The following ENDOD1 variants were observed in gnomAD, a reference collection of about 807,000 sequenced individuals.
The protein encoded by ENDOD1 is endonuclease domain containing 1.
Under a neutral mutation model 6.5 loss-of-function variants are expected in ENDOD1, and 9 were observed. That is an observed-to-expected ratio of 1.39 (90% CI 0.84 to 2.43). The LOEUF (loss-of-function observed/expected upper bound fraction) is 2.43, where lower values mean the gene tolerates loss of function less well. ENDOD1 is among the 30% of genes most tolerant of loss of function. The pLI is 0.00. For synonymous variants in ENDOD1, 255 were observed against 255.2 expected (o/e 1.00, Z 0.01); for missense variants, 648 against 635.5 (o/e 1.02, Z -0.21).
intron 1 of ENDOD1, among the ~76,000 whole-genome samples, chr11:95,108,748 C>A (rs1859118864): frequency 6.6e-6 from 1 of 152,158 alleles, no homozygotes; most frequent in South Asian, 2.1e-4. Context: ...CATCCTCCCC[C>A]TCCATTGTTG....
intron 1 of ENDOD1, among the ~76,000 whole-genome samples, chr11:95,102,043 C>T (rs144594443): frequency 1.7e-3 from 252 of 152,146 alleles, no homozygotes; most frequent in African/African-American, 5.7e-3. Flanking sequence ...CTTCTCCTTC[C>T]CTGTTCCTGC....
intron 1 of ENDOD1, among the ~76,000 whole-genome samples, chr11:95,123,718 G>T (rs1488327744): frequency 1.3e-5 from 2 of 152,108 alleles, no homozygotes; most frequent in African/African-American, 4.8e-5. Context: ...GAAAACATCT[G>T]GTCAACTGAG....
chr11:95,098,696 GTT>G (rs797035485), intron 1 of ENDOD1, among the ~76,000 whole-genome samples: 19 of 147,988 alleles, frequency 1.3e-4, no homozygotes, highest in Non-Finnish European at 1.8e-4. Flanking sequence ...CTTTTCTAGT[GTT>G]TTTTTTTTCA....
intron 1 of ENDOD1, among the ~76,000 whole-genome samples, chr11:95,114,484 G>T (rs143325322): frequency 1.6e-4 from 25 of 152,204 alleles, no homozygotes; most frequent in African/African-American, 5.8e-4. Flanking sequence ...TTCTTTTCCT[G>T]TGTAGAAGCT....
chr11:95,129,154 T>C lies in ENDOD1; in HGVS notation c.1078T>C (p.Phe360Leu), dbSNP rs200559465. The C allele has an allele frequency of 9.2e-5, 149 of 1,614,184 alleles. No homozygotes were observed. In the African/African-American group the frequency reaches 1.6e-3, roughly 17 times the overall value. ...AGCAATCCTGAAGAACATTGTCTAT[T>C]TCCTGTGGTGTGTTACCAAGCAGGT... Reference protein sequence around the residue: ...VVAILKNIVYFLWCVTKQVIN... With the variant: ...VVAILKNIVYLLWCVTKQVIN... Residue 360 changes from phenylalanine (F) to leucine (L), a missense_variant, in exon 2 of 2, where the codon TTC becomes CTC. Coordinates refer to ENST00000278505, the MANE Select transcript of ENDOD1 (RefSeq NM_015036.3).
In ENDOD1 at chr11:95,128,834, A is replaced by T; in HGVS notation, c.758A>T (p.Asp253Val). ...ATCATAGAAGATGTGATGGTAAAAG[A>T]TCTTCAGAAACTGCTTCCATTTAAC... ...SDIIEDVMVK[D>V]LQKLLPFNPQ... Residue 253 changes from aspartate to valine, a missense_variant, in exon 2 of 2, where the codon GAT (aspartate) becomes GTT (valine). Transcript: ENST00000278505. The T allele has an allele frequency of 6.2e-7, 1 of 1,614,226 alleles. No individual in the cohort carries two copies. Among genetic ancestry groups the T allele is most frequent in the Non-Finnish European group, 8.5e-7 (1 of 1,180,040 alleles).
chr11:95,106,743 C>T (rs1165620325), intron 1 of ENDOD1, among the ~76,000 whole-genome samples: 3 of 152,008 alleles, frequency 2.0e-5, no homozygotes, highest in African/African-American at 7.2e-5. Flanking sequence ...CTCAATATCA[C>T]GGGAATAAAT....
chr11:95,106,123 G>T (rs150271635), intron 1 of ENDOD1, among the ~76,000 whole-genome samples: 16 of 152,300 alleles, frequency 1.1e-4, no homozygotes, highest in African/African-American at 3.9e-4. Context: ...ATTCCTACAA[G>T]TCAGCCTCCC....
rs10660230 is a variant in ENDOD1, at chr11:95,096,227, C to CTTTTTTTTTT, written c.300+6016_300+6025dup. 8.0e-4 allele frequency among the ~76,000 whole-genome samples: 40 copies of CTTTTTTTTTT among 49,962 alleles called. 10 individuals carry two copies. Among genetic ancestry groups the CTTTTTTTTTT allele is most frequent in the African/African-American group, 1.8e-3 (22 of 12,020 alleles). The allele number at this position is 49,962 out of a possible 152,430, so 32.8% of individuals were successfully genotyped here. A position where few individuals can be genotyped will look rare whatever the true frequency, so the allele number is the denominator to read the frequency against. On this transcript the variant is annotated intron_variant, in intron 1 of 1. Transcript: ENST00000278505. ...CTAGAATTACTGTTAGTCAAGAAAG[C>CTTTTTTTTTT]TTTTTTTTTTTTTTTTTTTTTTTTT...
intron 1 of ENDOD1, among the ~76,000 whole-genome samples, chr11:95,116,522 A>G (rs1287671842): frequency 1.3e-5 from 2 of 151,888 alleles, no homozygotes; most frequent in South Asian, 2.1e-4. Flanking sequence ...TTTTTCTTCT[A>G]CTAATTTTGG....
intron 1 of ENDOD1, among the ~76,000 whole-genome samples, chr11:95,121,940 T>G (rs1859265450): frequency 6.6e-6 from 1 of 152,184 alleles, no homozygotes; most frequent in Non-Finnish European, 1.5e-5. Context: ...TTCCCCTATA[T>G]TTAGAGATTC....
At chr11:95,094,729 G>A (rs1210665091) in intron 1 of ENDOD1, among the ~76,000 whole-genome samples, 1 of 152,176 alleles carries the variant, frequency 6.6e-6, no homozygotes, top group Non-Finnish European at 1.5e-5. Flanking sequence ...TTGTGTCAGA[G>A]AACAGATATA....
At chr11:95,118,517 A>G (rs2049364031) in intron 1 of ENDOD1, among the ~76,000 whole-genome samples, 1 of 152,232 alleles carries the variant, frequency 6.6e-6, no homozygotes, top group Admixed American at 6.5e-5. Context: ...CCGCTGATGA[A>G]AAGTCTGCTG....
At chr11:95,100,333 A>G (rs1859025946) in intron 1 of ENDOD1, among the ~76,000 whole-genome samples, 1 of 151,504 alleles carries the variant, frequency 6.6e-6, no homozygotes, top group Non-Finnish European at 1.5e-5. Flanking sequence ...ACCCTTCAGG[A>G]CTCCCCAGTG....
chr11:95,128,457 G>A lies in ENDOD1; in HGVS notation c.381G>A (p.Lys127=). The part of the protein sequence containing the change: ...AITSVNSLGS[K]QALNTDYLDS... Reference sequence around the variant, plus strand: ...CCTCTGTGAACAGCCTGGGAAGCAAGCAAGCCTTGAATACAGATTACCTTG... The same window carrying A: ...CCTCTGTGAACAGCCTGGGAAGCAAACAAGCCTTGAATACAGATTACCTTG... Residue 127 remains lysine (K), a synonymous_variant, in exon 2 of 2, where the codon AAG becomes AAA. Coordinates refer to ENST00000278505, the MANE Select transcript of ENDOD1 (RefSeq NM_015036.3). 1 of 1,614,220 alleles carries A rather than the reference G, an allele frequency of 6.2e-7. No individual in the cohort carries two copies. Among genetic ancestry groups the A allele is most frequent in the Non-Finnish European group, 8.5e-7 (1 of 1,180,040 alleles).
rs1858915248 is a variant in ENDOD1, at chr11:95,090,221, G to A, written c.294G>A (p.Glu98=). 1 of 1,382,840 alleles carries A rather than the reference G, an allele frequency of 7.2e-7. No individual in the cohort carries two copies. The allele number at this position is 1,382,840 out of a possible 1,614,324, so 85.7% of individuals were successfully genotyped here. ...PGGAEQRWLV[E]PQIDDPNSNL... ...GCGCCGAGCAGCGATGGCTGGTGGAGCCGCAGGTAAGCGAAGTGGTTCCCG... is the reference window on the plus strand; with the variant it reads ...GCGCCGAGCAGCGATGGCTGGTGGAACCGCAGGTAAGCGAAGTGGTTCCCG... The change falls in exon 1 of 2, where the codon GAG becomes GAA. Residue 98 remains glutamate (E), a synonymous_variant. Coordinates refer to ENST00000278505, the MANE Select transcript of ENDOD1 (RefSeq NM_015036.3).
chr11:95,115,368 A>G (rs1291255131), intron 1 of ENDOD1, among the ~76,000 whole-genome samples: 1 of 143,822 alleles, frequency 7.0e-6, no homozygotes, highest in East Asian at 2.0e-4. Flanking sequence ...GAATTTGTTT[A>G]TCCGTTCTAC....
At chr11:95,106,482 A>C (rs1859090450) in intron 1 of ENDOD1, among the ~76,000 whole-genome samples, 1 of 152,192 alleles carries the variant, frequency 6.6e-6, no homozygotes, top group African/African-American at 2.4e-5. Flanking sequence ...TGAATATGCC[A>C]GTTTGTCATT....
intron 1 of ENDOD1, among the ~76,000 whole-genome samples, chr11:95,093,012 C>T (rs1858945832): frequency 6.6e-6 from 1 of 152,340 alleles, no homozygotes; most frequent in East Asian, 1.9e-4. Context: ...GCAGCAGTGA[C>T]ACTGAATTCC....
Sources: allele counts gnomAD v4.1 joint callset (sites outside exome capture counted in the v4.1 genomes callset), GRCh38; gene constraint gnomAD v4.1.1; transcripts MANE v1.5; gene names NCBI Gene and HGNC (gene_info 2026-07-23, HGNC 2026-07-21).